Variants in CFDP1 observed in about 807,000 individuals in gnomAD.
CFDP1 encodes the protein heterochromatin-stabilizing protein CFDP1.
Under a neutral mutation model 40.1 loss-of-function variants are expected in CFDP1, and 31 were observed. The ratio of observed to expected loss-of-function variants is 0.77; its 90% CI spans 0.58 to 1.04. CFDP1 has a LOEUF of 1.04. Ranked by LOEUF, CFDP1 falls within the 50% of genes least tolerant of loss-of-function variation. The pLI is 0.00. For missense variants in CFDP1, 423 were observed against 343.4 expected (o/e 1.23, Z -1.83); for synonymous variants, 167 against 120.0 (o/e 1.39, Z -2.56).
chr16:75,413,043 A>C (rs901659513), intron 2 of CFDP1, among the ~76,000 whole-genome samples: 2 of 152,220 alleles, frequency 1.3e-5, no homozygotes, highest in Non-Finnish European at 2.9e-5. Flanking sequence ...CACAAAGAAA[A>C]CATCCAAATC....
intron 1 of CFDP1, among the ~76,000 whole-genome samples, chr16:75,424,010 G>A (rs2079307600): frequency 6.6e-6 from 1 of 152,098 alleles, no homozygotes; most frequent in South Asian, 2.1e-4. Context: ...AAATAAGTCT[G>A]TCAGAAATTT....
At chr16:75,404,328 C>T (rs539403111) in intron 4 of CFDP1, among the ~76,000 whole-genome samples, 6 of 150,300 alleles carry the variant, frequency 4.0e-5, no homozygotes, top group East Asian at 4.0e-4. Flanking sequence ...CTCCGCCTCC[C>T]GGGTTCACGC....
intron 5 of CFDP1, among the ~76,000 whole-genome samples, chr16:75,385,699 A>T (rs1251295449): frequency 6.6e-6 from 1 of 152,192 alleles, no homozygotes; most frequent in East Asian, 1.9e-4. Flanking sequence ...GCCAAAGACG[A>T]GCTATCTTTT....
intron 5 of CFDP1, among the ~76,000 whole-genome samples, chr16:75,390,466 C>G (rs1357441562): frequency 6.6e-6 from 1 of 152,216 alleles, no homozygotes; most frequent in Admixed American, 6.5e-5. Context: ...TCCTTGATGT[C>G]TCCTCTTAGT....
At chr16:75,332,641 T>C (rs1281880508) in intron 5 of CFDP1, among the ~76,000 whole-genome samples, 1 of 151,636 alleles carries the variant, frequency 6.6e-6, no homozygotes, top group Non-Finnish European at 1.5e-5. Flanking sequence ...CACCACAGCC[T>C]GGGCAACAGA....
At chr16:75,369,690 T>A (rs2078738691) in intron 5 of CFDP1, among the ~76,000 whole-genome samples, 1 of 152,204 alleles carries the variant, frequency 6.6e-6, no homozygotes, top group African/African-American at 2.4e-5. Flanking sequence ...AACAGCAGGT[T>A]AAGGAACCAG....
chr16:75,310,436 G>A (rs982406147), intron 5 of CFDP1, among the ~76,000 whole-genome samples: 1 of 152,164 alleles, frequency 6.6e-6, no homozygotes, highest in Non-Finnish European at 1.5e-5. Context: ...AAGAGACACA[G>A]AATGTAAAAT....
intron 5 of CFDP1, among the ~76,000 whole-genome samples, chr16:75,338,050 A>G (rs549868549): frequency 6.6e-6 from 1 of 152,210 alleles, no homozygotes; most frequent in Non-Finnish European, 1.5e-5. Flanking sequence ...ATACCCAATG[A>G]AACTGCTGCA....
At chr16:75,372,890 AT>A (rs900904451) in intron 5 of CFDP1, among the ~76,000 whole-genome samples, 9 of 152,258 alleles carry the variant, frequency 5.9e-5, no homozygotes, top group Non-Finnish European at 1.0e-4. Flanking sequence ...AGCAAGGAAT[AT>A]TTTAGTTCCA....
intron 5 of CFDP1, among the ~76,000 whole-genome samples, chr16:75,313,361 G>A (rs1467384828): frequency 2.6e-5 from 4 of 152,088 alleles, no homozygotes; most frequent in South Asian, 2.1e-4. Flanking sequence ...ACAGGGTCTC[G>A]CTCTGTCACC....
At chr16:75,386,476 G>C (rs1215617589) in intron 5 of CFDP1, among the ~76,000 whole-genome samples, 1 of 152,192 alleles carries the variant, frequency 6.6e-6, no homozygotes, top group Non-Finnish European at 1.5e-5. Flanking sequence ...TGTAATCCCA[G>C]CACTTTGGGA....
intron 5 of CFDP1, among the ~76,000 whole-genome samples, chr16:75,371,641 A>G (rs2078752053): frequency 6.6e-6 from 1 of 152,232 alleles, no homozygotes; most frequent in South Asian, 2.1e-4. Flanking sequence ...TAACATTCAT[A>G]GGAAGAATCT....
intron 5 of CFDP1, among the ~76,000 whole-genome samples, chr16:75,375,492 A>C (rs1480815127): frequency 6.6e-6 from 1 of 152,142 alleles, no homozygotes; most frequent in African/African-American, 2.4e-5. Flanking sequence ...CACTTACCCA[A>C]ATAAAAAAGA....
intron 4 of CFDP1, among the ~76,000 whole-genome samples, chr16:75,401,428 C>CAAAAAAA: frequency 1.1e-5 from 1 of 92,506 alleles, no homozygotes; most frequent in Non-Finnish European, 2.0e-5. Context: ...GACTCCGTCT[C>CAAAAAAA]AAAAAAAAAA....
chr16:75,344,516 T>A (rs9972714), intron 5 of CFDP1, among the ~76,000 whole-genome samples: 1 of 152,070 alleles, frequency 6.6e-6, no homozygotes, highest in African/African-American at 2.4e-5. Flanking sequence ...TATTTTATAG[T>A]AGGCGTGTAT....
chr16:75,326,948 G>C (rs2078405707), intron 5 of CFDP1, among the ~76,000 whole-genome samples: 1 of 152,200 alleles, frequency 6.6e-6, no homozygotes, highest in Admixed American at 6.5e-5. Context: ...ACCTTTTCCT[G>C]AGGAAGTTAT....
chr16:75,399,230 G>C (rs920955980), intron 4 of CFDP1, among the ~76,000 whole-genome samples: 4 of 152,126 alleles, frequency 2.6e-5, no homozygotes, highest in African/African-American at 9.7e-5. Flanking sequence ...ACTAAATTTT[G>C]AGGTGCTTTC....
chr16:75,425,034 C>A (rs1380221570), intron 1 of CFDP1, among the ~76,000 whole-genome samples: 1 of 151,788 alleles, frequency 6.6e-6, no homozygotes, highest in Non-Finnish European at 1.5e-5. Flanking sequence ...TATTGTATTT[C>A]CATATACTAG....
At chr16:75,343,264 G>C (rs2078538871) in intron 5 of CFDP1, among the ~76,000 whole-genome samples, 1 of 152,100 alleles carries the variant, frequency 6.6e-6, no homozygotes, top group Non-Finnish European at 1.5e-5. Context: ...GCTCTTTAGA[G>C]AACAAAATGC....
Sources: allele counts gnomAD v4.1 joint callset (sites outside exome capture counted in the v4.1 genomes callset), GRCh38; gene constraint gnomAD v4.1.1; transcripts MANE v1.5; gene names NCBI Gene and HGNC (gene_info 2026-07-23, HGNC 2026-07-21).